The following UFM1 variants were observed in gnomAD, a reference collection of about 807,000 sequenced individuals.
UFM1 encodes the protein ubiquitin-fold modifier 1.
Under a neutral mutation model 15.4 loss-of-function variants are expected in UFM1, and 9 were observed. The ratio of observed to expected loss-of-function variants is 0.59; its 90% CI spans 0.35 to 1.02. The LOEUF (loss-of-function observed/expected upper bound fraction) is 1.02, where lower values mean the gene tolerates loss of function less well. Among genes scored for constraint, UFM1 ranks in the 50% least tolerant of loss-of-function variants. UFM1 has a pLI of 0.02. For synonymous variants in UFM1, 27 were observed against 36.3 expected, an observed-to-expected ratio of 0.74 and a Z score of 0.92; for missense variants, 98 against 104.7, an observed-to-expected ratio of 0.94 and a Z score of 0.28.
chr13:38,358,441 A>G (rs1317916499), intron 4 of UFM1, among the ~76,000 whole-genome samples: 1 of 151,790 alleles, frequency 6.6e-6, no homozygotes, highest in African/African-American at 2.4e-5. Flanking sequence ...TTGTTTGGTA[A>G]ATGCTTTAGA....
chr13:38,349,886 T>C lies in UFM1; in HGVS notation c.-34T>C, dbSNP rs776861270. 3.1e-6 allele frequency: 5 copies of C among 1,613,638 alleles called. No homozygotes were observed. The highest frequency in any genetic ancestry group is 1.1e-5 in the South Asian group (1 of 91,076). On this transcript the variant is annotated 5_prime_UTR_variant, in exon 1 of 6. Transcript: ENST00000239878. The stretch of plus-strand genomic sequence containing the variant: ...AGGAAGTCGTGCTACCCCCGCGGAG[T>C]TGTCGTGTGTTCTGGATTCATTCCG...
At chr13:38,355,539 A>G (rs1033292415) in intron 3 of UFM1, among the ~76,000 whole-genome samples, 66 of 151,886 alleles carry the variant, frequency 4.3e-4, no homozygotes, top group Admixed American at 5.2e-4. Context: ...TGTCCTTTAT[A>G]ATGCAAAGGC....
intron 5 of UFM1, chr13:38,360,167 T>C: frequency 3.6e-6 from 1 of 279,426 alleles, no homozygotes; most frequent in Non-Finnish European, 7.1e-6. Context: ...AGGCACTTTA[T>C]TGTATGGATG....
chr13:38,355,412 T>A (rs956452030), intron 3 of UFM1, among the ~76,000 whole-genome samples: 1 of 152,012 alleles, frequency 6.6e-6, no homozygotes, highest in African/African-American at 2.4e-5. Context: ...CTGCACAGAT[T>A]ACTTGCAAGA....
intron 2 of UFM1, among the ~76,000 whole-genome samples, chr13:38,350,760 T>G (rs1379667030): frequency 6.6e-6 from 1 of 152,178 alleles, no homozygotes; most frequent in Non-Finnish European, 1.5e-5. Flanking sequence ...AAGAACAGGA[T>G]TACAATAGAA....
chr13:38,350,410 A>G (rs1419536223), intron 2 of UFM1, among the ~76,000 whole-genome samples: 1 of 152,246 alleles, frequency 6.6e-6, no homozygotes, highest in African/African-American at 2.4e-5. Context: ...GCTGGATATT[A>G]GAAAAGCGTT....
Position 38,362,904 on chromosome 13 carries a change from ATTTC to A in UFM1, c.*2130_*2133del, listed in dbSNP as rs1446030223. The stretch of plus-strand genomic sequence containing the variant: ...TGTTATTAAAAAAATGTGATCTGTA[ATTTC>A]TTTGTGCAGAATGATTTGAAGTATT... On this transcript the variant is annotated 3_prime_UTR_variant, in exon 6 of 6. Transcript: ENST00000239878. The A allele has an allele frequency of 1.3e-5, 2 of 152,166 alleles. No individual in the cohort carries two copies. Among genetic ancestry groups the A allele is most frequent in the Non-Finnish European group, 2.9e-5 (2 of 68,022 alleles). The allele number at this position is 152,166 out of a possible 1,614,324, so 9.4% of individuals were successfully genotyped here.
At chr13:38,359,207 C>A in intron 4 of UFM1, 94 bp from the exon 5 acceptor site, 1 of 1,113,336 alleles carries the variant, frequency 9.0e-7, no homozygotes. Context: ...TCTATATACA[C>A]AACAGCACTA....
intron 2 of UFM1, among the ~76,000 whole-genome samples, chr13:38,350,866 T>C (rs1186269034): frequency 1.3e-5 from 2 of 152,198 alleles, no homozygotes; most frequent in Non-Finnish European, 2.9e-5. Context: ...CTCAGCCTTT[T>C]CCTCCCTTGA....
In UFM1 at chr13:38,361,539, C is replaced by T. The variant is rs1206405571; in HGVS notation, c.*761C>T. 1 of 151,986 alleles carries T rather than the reference C, an allele frequency of 6.6e-6. No individual in the cohort carries two copies. Among genetic ancestry groups the T allele is most frequent in the East Asian group, 1.9e-4 (1 of 5,192 alleles). The allele number at this position is 151,986 out of a possible 1,614,324, so 9.4% of individuals were successfully genotyped here. ...TTTAAAACAAGTAGCTTCAAGAAAC[C>T]ACTGGTGTTTTGAGGATAGTATTTC... On this transcript the variant is annotated 3_prime_UTR_variant, in exon 6 of 6. Transcript: ENST00000239878.
Position 38,349,853 on chromosome 13 carries a change from C to G in UFM1, c.-67C>G, listed in dbSNP as rs373219410. 21 of 1,613,734 alleles carry G rather than the reference C, an allele frequency of 1.3e-5. No homozygotes were observed. The African/African-American group carries it at 2.1e-4, about 16-fold the overall frequency. On this transcript the variant is annotated 5_prime_UTR_variant, in exon 1 of 6. Transcript: ENST00000239878. ...GTGAGTGGAGCGGGGCGGTCCCCAG[C>G]ACACTAGAGGAAGTCGTGCTACCCC...
At position 38,362,695 on chromosome 13, in the gene UFM1, T is replaced by G. The variant is rs1278493168; in HGVS notation, c.*1917T>G. The G allele has an allele frequency of 1.3e-5, 2 of 152,138 alleles. No individual in the cohort carries two copies. Among genetic ancestry groups the G allele is most frequent in the Admixed American group, 1.3e-4 (2 of 15,276 alleles). 9.4% of individuals were successfully genotyped at this position (152,138 alleles called of 1,614,324 possible). A position where few individuals can be genotyped will look rare whatever the true frequency, so the allele number is the denominator to read the frequency against. ...AAGCAGGAATTTATGAACACCCATT[T>G]CCTGACTTTTTGCTTTAATTTAGAT... On this transcript the variant is annotated 3_prime_UTR_variant, in exon 6 of 6. Transcript: ENST00000239878.
chr13:38,360,052 G>T, intron 5 of UFM1: 1 of 402,784 alleles, frequency 2.5e-6, no homozygotes, highest in East Asian at 8.0e-5. Flanking sequence ...CCTTGCAGTT[G>T]AAATTCAGCC....
chr13:38,356,251 T>C (rs1879089039), intron 3 of UFM1, among the ~76,000 whole-genome samples: 1 of 151,890 alleles, frequency 6.6e-6, no homozygotes, highest in Non-Finnish European at 1.5e-5. Context: ...ATACATAGAT[T>C]ATCTTAAAAT....
intron 2 of UFM1, among the ~76,000 whole-genome samples, chr13:38,350,847 G>A (rs2485789): frequency 0.87 from 132,200 of 152,170 alleles, 59,512 homozygotes; most frequent in East Asian, 0.99. Context: ...TCCATGATCC[G>A]TACAACCTCT....
rs1879388982 is a variant in UFM1, at chr13:38,361,582, C to T, written c.*804C>T. ...AGTATTTCTAAATAGCATTCAGGAACAGAGTATTATTGCACAGATCTGAAG... is the reference window on the plus strand; with the variant it reads ...AGTATTTCTAAATAGCATTCAGGAATAGAGTATTATTGCACAGATCTGAAG... On this transcript the variant is annotated 3_prime_UTR_variant, in exon 6 of 6. Transcript: ENST00000239878. 6.6e-6 allele frequency: 1 copy of T among 152,128 alleles called. No individual in the cohort carries two copies. Among genetic ancestry groups the T allele is most frequent in the Admixed American group, 6.5e-5 (1 of 15,272 alleles). The allele number at this position is 152,128 out of a possible 1,614,324, so 9.4% of individuals were successfully genotyped here.
chr13:38,356,056 A>G (rs907170621), intron 3 of UFM1, among the ~76,000 whole-genome samples: 1 of 151,906 alleles, frequency 6.6e-6, no homozygotes, highest in African/African-American at 2.4e-5. Context: ...AATACTTTGC[A>G]TTCAGTAGAA....
intron 3 of UFM1, among the ~76,000 whole-genome samples, chr13:38,355,566 G>C (rs1301876069): frequency 6.6e-6 from 1 of 151,560 alleles, no homozygotes; most frequent in East Asian, 1.9e-4. Context: ...TGTGATCTTG[G>C]TTTTCTAATT....
chr13:38,358,041 G>A, intron 3 of UFM1, 52 bp from the exon 4 acceptor site: 1 of 557,030 alleles, frequency 1.8e-6, no homozygotes, highest in Non-Finnish European at 2.5e-6. Flanking sequence ...ATAGTTTTGT[G>A]TGTGTGTGTG....
Sources: gnomAD v4.1 joint callset for allele counts (sites outside exome capture counted in the v4.1 genomes callset) on GRCh38, gnomAD v4.1.1 for gene constraint, MANE v1.5 for transcripts, NCBI Gene and HGNC (gene_info 2026-07-23, HGNC 2026-07-21) for gene names.